Variants in SECISBP2L observed in about 807,000 individuals in gnomAD.
The protein encoded by SECISBP2L is SECIS binding protein 2 like, also known as selenocysteine insertion sequence-binding protein 2-like.
In SECISBP2L, 43 loss-of-function variants were observed where a neutral mutation model predicts 114.7. The ratio of observed to expected loss-of-function variants is 0.38; its 90% CI spans 0.29 to 0.48. SECISBP2L has a LOEUF of 0.48. Ranked by LOEUF, SECISBP2L falls within the 20% of genes least tolerant of loss-of-function variation. SECISBP2L has a pLI of 0.98. For missense variants in SECISBP2L, 1,136 were observed against 1,301.1 expected (o/e 0.87, Z 1.95); for synonymous variants, 451 against 439.7 (o/e 1.03, Z -0.32).
At chr15:49,040,141 G>A (rs193088860) in intron 1 of SECISBP2L, among the ~76,000 whole-genome samples, 1 of 152,160 alleles carries the variant, frequency 6.6e-6, no homozygotes, top group Admixed American at 6.5e-5. Flanking sequence ...TATAAACTTA[G>A]GCAACCTACT....
intron 7 of SECISBP2L, among the ~76,000 whole-genome samples, chr15:49,025,517 T>C (rs1290748548): frequency 6.6e-6 from 1 of 152,216 alleles, no homozygotes; most frequent in Non-Finnish European, 1.5e-5. Flanking sequence ...AGTACTTATG[T>C]GTAGAATTTT....
rs1902389805 is a variant in SECISBP2L at position 49,009,388 on chromosome 15, T to C, written c.1865-10A>G. On this transcript the variant is annotated splice_polypyrimidine_tract_variant and intron_variant, in intron 13 of 17. Transcript: ENST00000559471. Reference sequence around the variant, plus strand: ...ATGCTTAGTCCAGTATCTGTGGAGATGTGGAGTGAAGGGAAAAAATTTAGA... The same window carrying C: ...ATGCTTAGTCCAGTATCTGTGGAGACGTGGAGTGAAGGGAAAAAATTTAGA... 2 of 1,602,810 alleles carry C rather than the reference T, an allele frequency of 1.2e-6. No homozygotes were observed. The highest frequency in any genetic ancestry group is 1.3e-5 in the African/African-American group (1 of 74,366).
chr15:49,009,350 A>G lies in SECISBP2L; in HGVS notation c.1893T>C (p.Thr631=). The change falls in exon 14 of 18, where the codon ACT becomes ACC. Residue 631 remains threonine (T), a synonymous_variant. Coordinates refer to ENST00000559471, the MANE Select transcript of SECISBP2L (RefSeq NM_001193489.2). ...EDTGLSMPSD[T]SLSPASQNSP... ...AGTTCTGACTTGCTGGAGAGAGTGA[A>G]GTATCACTGGGCATGCTTAGTCCAG... The G allele has an allele frequency of 6.2e-7, 1 of 1,614,066 alleles. No individual in the cohort carries two copies. The highest frequency in any genetic ancestry group is 8.5e-7 in the Non-Finnish European group (1 of 1,179,964).
intron 7 of SECISBP2L, 37 bp downstream of exon 7, chr15:49,027,328 A>G: frequency 6.9e-7 from 1 of 1,457,878 alleles, no homozygotes; most frequent in Non-Finnish European, 9.6e-7. Context: ...GACTCATCTC[A>G]TACCTAATCA....
In SECISBP2L at chr15:49,004,708, A is replaced by G. The variant is rs180856219; in HGVS notation, c.2028-3611T>C. 2.0e-3 allele frequency among the ~76,000 whole-genome samples: 302 copies of G among 152,300 alleles called. 1 individual carries two copies. The highest frequency in any genetic ancestry group is 0.017 in the South Asian group (81 of 4,824). On this transcript the variant is annotated intron_variant, in intron 14 of 17. Coordinates refer to ENST00000559471, the MANE Select transcript of SECISBP2L (RefSeq NM_001193489.2). The stretch of plus-strand genomic sequence containing the variant: ...TTATTTACCCAGTAGTCATTCAGGA[A>G]CAGGTTGCTCAGTTTCCACGTAGTT...
intron 14 of SECISBP2L, 46 bp from the exon 15 acceptor site, chr15:49,001,143 C>T: frequency 4.6e-6 from 6 of 1,301,510 alleles, no homozygotes; most frequent in Non-Finnish European, 6.4e-6. Flanking sequence ...AATTTTTTTC[C>T]CTATAGTTAT....
intron 2 of SECISBP2L, among the ~76,000 whole-genome samples, chr15:49,036,858 C>G (rs1444315360): frequency 3.3e-5 from 5 of 152,194 alleles, no homozygotes; most frequent in African/African-American, 1.2e-4. Flanking sequence ...ACTCAGCCCT[C>G]AGGAATGACA....
intron 17 of SECISBP2L, among the ~76,000 whole-genome samples, chr15:48,994,861 A>C (rs2141058518): frequency 6.9e-6 from 1 of 145,842 alleles, no homozygotes; most frequent in Admixed American, 6.8e-5. Flanking sequence ...AAAAAAAAAC[A>C]GTCTAGTAAG....
At chr15:49,037,474 C>T in intron 2 of SECISBP2L, 117 bp downstream of exon 2, 3 of 831,912 alleles carry the variant, frequency 3.6e-6, no homozygotes, top group Non-Finnish European at 5.5e-6. Context: ...ATTTTATTTA[C>T]TCCTCTTAAT....
Position 48,990,398 on chromosome 15 carries a change from AAATCCATG to A in SECISBP2L, c.*1838_*1845del, listed in dbSNP as rs1901948001. Reference sequence around the variant, plus strand: ...AGAGACAGTAAGATCTGCCATGTATAAATCCATGAGTACTATTTCAGAGGCTTCATTCC... The same window carrying A: ...AGAGACAGTAAGATCTGCCATGTATAAGTACTATTTCAGAGGCTTCATTCC... On this transcript the variant is annotated 3_prime_UTR_variant, in exon 18 of 18. Transcript: ENST00000559471. The A allele has an allele frequency of 6.6e-6, 1 of 152,424 alleles. No individual in the cohort carries two copies. The allele number at this position is 152,424 out of a possible 1,614,324, so 9.4% of individuals were successfully genotyped here.
chr15:49,045,148 G>A (rs1338643208), intron 1 of SECISBP2L, among the ~76,000 whole-genome samples: 2 of 151,760 alleles, frequency 1.3e-5, no homozygotes, highest in Non-Finnish European at 2.9e-5. Flanking sequence ...AAACTCATTT[G>A]TGTCTTCAGA....
rs781422387 is a variant in SECISBP2L at position 49,012,749 on chromosome 15, A to C, written c.1630T>G (p.Cys544Gly). 8.1e-6 allele frequency: 13 copies of C among 1,613,868 alleles called. No homozygotes were observed. In the East Asian group the frequency reaches 2.9e-4, roughly 36 times the overall value. ...TCCACAGAATTAAAGGATGTCAAACAGGGCTGACTTTTGGTTAAAGGTTTT... is the reference window on the plus strand; with the variant it reads ...TCCACAGAATTAAAGGATGTCAAACCGGGCTGACTTTTGGTTAAAGGTTTT... ...NRKPLTKSQP[C>G]LTSFNSVDIA... The change falls in exon 12 of 18, where the codon TGT (cysteine) becomes GGT (glycine). Residue 544 changes from cysteine (C) to glycine (G), a missense_variant. Around this residue, in one of 2 missense-constraint regions of SECISBP2L, gnomAD observed 684 missense variants for 848.7 expected, o/e 0.81. Transcript: ENST00000559471.
At chr15:49,039,565 C>T (rs1162535058) in intron 1 of SECISBP2L, among the ~76,000 whole-genome samples, 1 of 147,834 alleles carries the variant, frequency 6.8e-6, no homozygotes, top group African/African-American at 2.5e-5. Flanking sequence ...CGCTCTGTCA[C>T]GGGGTGGAGG....
intron 7 of SECISBP2L, among the ~76,000 whole-genome samples, chr15:49,020,483 A>AT (rs1405634191): frequency 2.6e-5 from 4 of 151,914 alleles, no homozygotes; most frequent in Non-Finnish European, 5.9e-5. Flanking sequence ...AAGTACTGAG[A>AT]TTAAGGCATG....
At position 49,011,842 on chromosome 15, in the gene SECISBP2L, C is replaced by G; in HGVS notation, c.1753G>C (p.Glu585Gln). The G allele has an allele frequency of 6.2e-7, 1 of 1,614,012 alleles. No homozygotes were observed. The highest frequency in any genetic ancestry group is 2.2e-5 in the East Asian group (1 of 44,850). Residue 585 changes from glutamate to glutamine, a missense_variant, in exon 13 of 18, where the codon GAA becomes CAA. Coordinates refer to ENST00000559471, the MANE Select transcript of SECISBP2L (RefSeq NM_001193489.2). ...LKKVILKERE[E>Q]KKGRLTVDHN... is the part of the protein sequence containing the mutation. ...TCCACAGTTAAGCGCCCCTTCTTTT[C>G]CTCTCTTTCTTTTAAAATAACCTAA...
intron 13 of SECISBP2L, among the ~76,000 whole-genome samples, chr15:49,010,454 A>AT (rs1316812075): frequency 1.3e-5 from 2 of 151,904 alleles, no homozygotes; most frequent in Non-Finnish European, 2.9e-5. Flanking sequence ...ATTAGTTTGT[A>AT]TTTGTATATC....
chr15:49,027,818 C>G (rs536279141), intron 6 of SECISBP2L, among the ~76,000 whole-genome samples: 1 of 152,056 alleles, frequency 6.6e-6, no homozygotes, highest in African/African-American at 2.4e-5. Flanking sequence ...ATCATGTTGG[C>G]CAGGCTGGTC....
chr15:49,045,083 T>C (rs1903214384), intron 1 of SECISBP2L, among the ~76,000 whole-genome samples: 1 of 152,204 alleles, frequency 6.6e-6, no homozygotes, highest in African/African-American at 2.4e-5. Context: ...CTAAGTGTAT[T>C]TGCCAAGAGA....
chr15:49,032,146 G>A (rs1902902238), intron 4 of SECISBP2L, among the ~76,000 whole-genome samples: 1 of 152,122 alleles, frequency 6.6e-6, no homozygotes, highest in Admixed American at 6.5e-5. Context: ...AAAAGTATAA[G>A]CCATCTTATT....
Sources: allele counts gnomAD v4.1 joint callset (sites outside exome capture counted in the v4.1 genomes callset), GRCh38; gene constraint gnomAD v4.1.1; regional missense constraint gnomAD v4.1.1; transcripts MANE v1.5; gene names NCBI Gene and HGNC (gene_info 2026-07-23, HGNC 2026-07-21).